Variants in MBOAT2 observed in about 807,000 individuals in gnomAD.
The protein encoded by MBOAT2 is membrane-bound glycerophospholipid O-acyltransferase 2.
In MBOAT2, 28 loss-of-function variants were observed where a neutral mutation model predicts 63.4. The observed-to-expected ratio is 0.44, with a 90% CI of 0.33 to 0.61. The LOEUF is 0.61. MBOAT2 is among the 20% of genes least tolerant of loss of function. The probability of loss-of-function intolerance (pLI) is 0.03; values close to 1 mark genes in which losing one functional copy is unlikely to be tolerated. For synonymous variants in MBOAT2, 211 were observed against 215.6 expected (o/e 0.98, Z 0.19); for missense variants, 470 against 605.8 (o/e 0.78, Z 2.35).
Position 8,934,430 on chromosome 2 carries a change from C to A in MBOAT2, c.299+8757G>T, listed in dbSNP as rs79213492. Among the ~76,000 whole-genome samples the A allele has an allele frequency of 5.7e-4, 87 of 152,272 alleles. 3 individuals are homozygous for A. In the East Asian group the frequency reaches 0.012, roughly 21 times the overall value. ...CAAATCCTAGATCACCATTTACTAACTTCTGTTTCTTGGTGAAAGAGGCAT... is the reference window on the plus strand; with the variant it reads ...CAAATCCTAGATCACCATTTACTAAATTCTGTTTCTTGGTGAAAGAGGCAT... On this transcript the variant is annotated intron_variant, in intron 3 of 12. Coordinates refer to ENST00000305997, the MANE Select transcript of MBOAT2 (RefSeq NM_138799.4).
intron 4 of MBOAT2, among the ~76,000 whole-genome samples, chr2:8,897,375 C>A (rs1572993338): frequency 6.6e-6 from 1 of 152,004 alleles, no homozygotes; most frequent in East Asian, 1.9e-4. Flanking sequence ...CTGCCACCTC[C>A]TTGGGTTTCT....
chr2:8,942,258 A>G (rs1668110455), intron 3 of MBOAT2, among the ~76,000 whole-genome samples: 1 of 152,236 alleles, frequency 6.6e-6, no homozygotes, highest in Non-Finnish European at 1.5e-5. Flanking sequence ...GAAAAAAACT[A>G]ATAAAAGCCA....
intron 1 of MBOAT2, among the ~76,000 whole-genome samples, chr2:8,963,464 C>T (rs761101261): frequency 1.8e-4 from 28 of 152,134 alleles, no homozygotes; most frequent in Non-Finnish European, 2.9e-4. Context: ...CTACCACGCC[C>T]GGCTAATTTT....
At chr2:8,867,588 G>A (rs16866835) in intron 9 of MBOAT2, among the ~76,000 whole-genome samples, 6,397 of 152,244 alleles carry the variant, frequency 0.042, 148 homozygotes, top group Middle Eastern at 0.058. Flanking sequence ...CCTTATCTAA[G>A]TGGAAGCTAT....
chr2:8,930,193 T>C (rs1186236103), intron 3 of MBOAT2, among the ~76,000 whole-genome samples: 1 of 152,188 alleles, frequency 6.6e-6, no homozygotes, highest in African/African-American at 2.4e-5. Context: ...CTGAGACATG[T>C]TAATTGTCTT....
chr2:8,920,058 A>G (rs974565544), intron 3 of MBOAT2, among the ~76,000 whole-genome samples: 2 of 152,058 alleles, frequency 1.3e-5, no homozygotes, highest in African/African-American at 4.8e-5. Context: ...GTGCTATCAC[A>G]CTCAGACAAT....
In MBOAT2 at chr2:8,941,416, T is replaced by C. The variant is rs115718468; in HGVS notation, c.299+1771A>G. Reference sequence around the variant, plus strand: ...ACTGTATGTCTCTAAAGCAGCACTATCCAATATCATTTTCTGCAATGACAG... The same window carrying C: ...ACTGTATGTCTCTAAAGCAGCACTACCCAATATCATTTTCTGCAATGACAG... On this transcript the variant is annotated intron_variant, in intron 3 of 12. Coordinates refer to ENST00000305997, the MANE Select transcript of MBOAT2 (RefSeq NM_138799.4). Among the ~76,000 whole-genome samples, 543 of 152,262 alleles carry C rather than the reference T, an allele frequency of 3.6e-3. 3 individuals carry two copies. The highest frequency in any genetic ancestry group is 0.012 in the African/African-American group (515 of 41,554).
intron 1 of MBOAT2, among the ~76,000 whole-genome samples, chr2:8,961,461 T>C (rs1175921087): frequency 6.6e-6 from 1 of 152,168 alleles, no homozygotes; most frequent in Non-Finnish European, 1.5e-5. Context: ...ACAAGAGGCT[T>C]AGGCACACAT....
At chr2:8,939,112 A>T (rs1558636881) in intron 3 of MBOAT2, among the ~76,000 whole-genome samples, 1 of 152,190 alleles carries the variant, frequency 6.6e-6, no homozygotes, top group Non-Finnish European at 1.5e-5. Flanking sequence ...CAATACCAAC[A>T]GCCTGATTTC....
chr2:8,897,255 TTC>T (rs772512660), intron 4 of MBOAT2, among the ~76,000 whole-genome samples: 3 of 152,086 alleles, frequency 2.0e-5, no homozygotes, highest in Non-Finnish European at 4.4e-5. Context: ...TCCTCTCTCT[TTC>T]TCTGACTTTC....
At position 8,960,947 on chromosome 2, in the gene MBOAT2, G is replaced by A. The variant is rs575016636; in HGVS notation, c.76-2305C>T. ...TTGGACATGAAAGCGCAAACGCACC[G>A]CGTGGCCAGGGATCATGGGAGATGA... On this transcript the variant is annotated intron_variant, in intron 1 of 12. Coordinates refer to ENST00000305997, the MANE Select transcript of MBOAT2 (RefSeq NM_138799.4). Among the ~76,000 whole-genome samples the A allele has an allele frequency of 9.8e-5, 15 of 152,318 alleles. No homozygotes were observed. In the East Asian group the frequency reaches 1.9e-3, roughly 20 times the overall value.
intron 5 of MBOAT2, among the ~76,000 whole-genome samples, 161 bp from the exon 6 acceptor site, chr2:8,882,726 C>T (rs552780697): frequency 2.0e-5 from 3 of 152,242 alleles, no homozygotes; most frequent in South Asian, 2.1e-4. Context: ...AACACAGCCT[C>T]GATCATGTGA....
chr2:8,920,260 A>G (rs1666479845), intron 3 of MBOAT2, among the ~76,000 whole-genome samples: 1 of 152,176 alleles, frequency 6.6e-6, no homozygotes. Flanking sequence ...TTCTGTGCAT[A>G]TAGAAACCTG....
At chr2:9,001,592 G>T (rs1254263414) in intron 1 of MBOAT2, among the ~76,000 whole-genome samples, 1 of 152,170 alleles carries the variant, frequency 6.6e-6, no homozygotes, top group East Asian at 1.9e-4. Context: ...TACAAATTTA[G>T]AGTAGTCCCA....
intron 11 of MBOAT2, among the ~76,000 whole-genome samples, chr2:8,861,779 A>G (rs16866828): frequency 0.1 from 15,396 of 152,240 alleles, 910 homozygotes; most frequent in African/African-American, 0.16. Flanking sequence ...TAACACCCAC[A>G]GAATCTGTCT....
At chr2:8,967,619 G>T (rs932156246) in intron 1 of MBOAT2, among the ~76,000 whole-genome samples, 9 of 152,214 alleles carry the variant, frequency 5.9e-5, no homozygotes, top group African/African-American at 2.2e-4. Context: ...ATGTGAGATA[G>T]CCAGAAAATT....
chr2:9,000,139 C>T (rs909704573), intron 1 of MBOAT2, among the ~76,000 whole-genome samples: 2 of 152,204 alleles, frequency 1.3e-5, no homozygotes, highest in African/African-American at 2.4e-5. Context: ...TTTTCTTCCT[C>T]GGACATCAAA....
chr2:8,862,721 C>A lies in MBOAT2; in HGVS notation c.1054G>T (p.Val352Leu). The change falls in exon 11 of 13, where the codon GTG becomes TTG. Residue 352 changes from valine to leucine, a missense_variant and splice_region_variant. Coordinates refer to ENST00000305997, the MANE Select transcript of MBOAT2 (RefSeq NM_138799.4). This position sits in a 1 kb window ranked among gnomAD's most constrained non-coding sequence, Gnocchi z 4.3. The part of the protein sequence containing the change: ...NIQTALWLKR[V>L]CYERTSFSPT... ...CTGAAGGAGGTTCGTTCATAACACA[C>A]CCTAGAAACCATGAAAAACATGGAG... is the stretch of plus-strand genomic sequence containing the variant. 1 of 1,605,774 alleles carries A rather than the reference C, an allele frequency of 6.2e-7. No individual in the cohort carries two copies. The highest frequency in any genetic ancestry group is 8.5e-7 in the Non-Finnish European group (1 of 1,177,602).
intron 3 of MBOAT2, among the ~76,000 whole-genome samples, chr2:8,916,932 A>G (rs916105692): frequency 6.6e-6 from 1 of 152,224 alleles, no homozygotes; most frequent in Non-Finnish European, 1.5e-5. Flanking sequence ...TAACCAAGAC[A>G]GTATGACACT....
Sources: gnomAD v4.1 joint callset for allele counts (sites outside exome capture counted in the v4.1 genomes callset) on GRCh38, gnomAD v4.1.1 for gene constraint, Gnocchi (gnomAD v3.1) non-coding constraint, MANE v1.5 for transcripts, NCBI Gene and HGNC (gene_info 2026-07-23, HGNC 2026-07-21) for gene names.